The following CARF variants were observed in gnomAD, a reference collection of about 807,000 sequenced individuals.
CARF encodes the protein calcium-responsive transcription factor.
Under a neutral mutation model 82.0 loss-of-function variants are expected in CARF, and 57 were observed. The ratio of observed to expected loss-of-function variants is 0.70; its 90% confidence interval spans 0.56 to 0.87. The LOEUF is 0.87. Among genes scored for constraint, CARF ranks in the 40% least tolerant of loss-of-function variants. The pLI, the probability that CARF is intolerant of heterozygous loss-of-function variation, is 0.00. For missense variants in CARF, 771 were observed against 855.8 expected (o/e 0.90, Z 1.24); for synonymous variants, 268 against 290.1 (o/e 0.92, Z 0.77).
intron 5 of CARF, among the ~76,000 whole-genome samples, chr2:202,951,807 C>A (rs900454851): frequency 6.6e-6 from 1 of 151,664 alleles, no homozygotes; most frequent in African/African-American, 2.4e-5. Flanking sequence ...CAAAATAAAT[C>A]CTATTTAATT....
intron 3 of CARF, among the ~76,000 whole-genome samples, chr2:202,935,257 T>C (rs1266144459): frequency 6.9e-6 from 1 of 144,900 alleles, no homozygotes; most frequent in African/African-American, 2.5e-5. Flanking sequence ...GTATATTATA[T>C]ATTTATATAT....
At chr2:202,935,898 C>T (rs905266908) in intron 3 of CARF, among the ~76,000 whole-genome samples, 9 of 151,946 alleles carry the variant, frequency 5.9e-5, no homozygotes. Context: ...CTTACTGCAG[C>T]CTCAAACTCC....
At chr2:202,938,113 C>G (rs1694246472) in intron 3 of CARF, among the ~76,000 whole-genome samples, 1 of 152,116 alleles carries the variant, frequency 6.6e-6, no homozygotes, top group Admixed American at 6.5e-5. Flanking sequence ...TCCAATTATA[C>G]TCTTTTAATT....
chr2:202,954,303 C>G (rs2105854825), intron 7 of CARF, among the ~76,000 whole-genome samples, 169 bp downstream of exon 7: 1 of 152,264 alleles, frequency 6.6e-6, no homozygotes, highest in East Asian at 1.9e-4. Flanking sequence ...GGCGGCTATT[C>G]TGGAAGCTAT....
At chr2:202,930,470 C>A (rs983190422) in intron 3 of CARF, among the ~76,000 whole-genome samples, 1 of 152,100 alleles carries the variant, frequency 6.6e-6, no homozygotes, top group Non-Finnish European at 1.5e-5. Context: ...TGTCCAAGTT[C>A]AGAAATTCTC....
rs1452193108 is a variant in CARF at position 202,977,255 on chromosome 2, T to A, written c.1495-14T>A. On this transcript the variant is annotated splice_polypyrimidine_tract_variant and intron_variant, in intron 13 of 16. Coordinates refer to ENST00000438828, the MANE Select transcript of CARF (RefSeq NM_024744.17). ...AGAGCTTTATTTTTACTGAAATAAATGTTCCCATTTCAGCTTCAATGGACT... is the reference window on the plus strand; with the variant it reads ...AGAGCTTTATTTTTACTGAAATAAAAGTTCCCATTTCAGCTTCAATGGACT... 6.9e-6 allele frequency: 11 copies of A among 1,585,758 alleles called. No individual in the cohort carries two copies.
intron 8 of CARF, among the ~76,000 whole-genome samples, chr2:202,960,761 C>T (rs900028087): frequency 1.3e-5 from 2 of 151,206 alleles, no homozygotes; most frequent in Non-Finnish European, 3.0e-5. Context: ...TGCCTTCCCT[C>T]CTTCTCTCCT....
At position 202,946,238 on chromosome 2, in the gene CARF, A is replaced by C. The variant is rs549284365; in HGVS notation, c.306+3271A>C. 2.0e-5 allele frequency among the ~76,000 whole-genome samples: 3 copies of C among 152,314 alleles called. No homozygotes were observed. In the South Asian group the frequency reaches 6.2e-4, roughly 32 times the overall value. On this transcript the variant is annotated intron_variant, in intron 5 of 16. Coordinates refer to ENST00000438828, the MANE Select transcript of CARF (RefSeq NM_024744.17). ...AAAGCTAGAGGCATCATGTTACTTG[A>C]CTTCAAACTATACTACAAGGCTACA... is the stretch of plus-strand genomic sequence containing the variant.
intron 13 of CARF, among the ~76,000 whole-genome samples, chr2:202,974,898 C>A (rs1161817138): frequency 1.3e-5 from 2 of 150,760 alleles, no homozygotes; most frequent in African/African-American, 4.9e-5. Flanking sequence ...GACTCCATCT[C>A]AAAAAATATA....
chr2:202,973,451 T>G (rs1347261668), intron 12 of CARF: 1 of 436,478 alleles, frequency 2.3e-6, no homozygotes, highest in Admixed American at 2.7e-5. Context: ...CTTCTATTTC[T>G]ATCTTCTTTT....
rs529290989 is a variant in CARF at position 202,960,751 on chromosome 2, T to C, written c.643-486T>C. 1.2e-3 allele frequency among the ~76,000 whole-genome samples: 173 copies of C among 149,178 alleles called. 1 individual carries two copies. Among genetic ancestry groups the C allele is most frequent in the Admixed American group, 3.6e-3 (53 of 14,922 alleles). On this transcript the variant is annotated intron_variant, in intron 8 of 16. Coordinates refer to ENST00000438828, the MANE Select transcript of CARF (RefSeq NM_024744.17). ...CCACCTTCCCGCCTTCCCGCCTTCC[T>C]GCCTTCCCTCCTTCTCTCCTTCCCT... is the stretch of plus-strand genomic sequence containing the variant.
At chr2:202,931,821 A>G (rs1559199265) in intron 3 of CARF, among the ~76,000 whole-genome samples, 1 of 151,568 alleles carries the variant, frequency 6.6e-6, no homozygotes, top group Non-Finnish European at 1.5e-5. Context: ...GACTTAACCA[A>G]GATGTCAGGT....
intron 1 of CARF, among the ~76,000 whole-genome samples, chr2:202,917,377 T>A (rs1197789727): frequency 6.6e-6 from 1 of 152,154 alleles, no homozygotes; most frequent in Non-Finnish European, 1.5e-5. Flanking sequence ...TTTTCTGAAA[T>A]CCAATCATTA....
At chr2:202,926,429 C>A (rs900693129) in intron 3 of CARF, among the ~76,000 whole-genome samples, 3 of 152,222 alleles carry the variant, frequency 2.0e-5, no homozygotes, top group Admixed American at 1.3e-4. Flanking sequence ...GGGTCAATTT[C>A]TGGATTGTCT....
chr2:202,982,040 A>G (rs1053114351), intron 15 of CARF, 32 bp from the exon 16 acceptor site: 9 of 1,595,714 alleles, frequency 5.6e-6, no homozygotes, highest in Non-Finnish European at 7.7e-6. Flanking sequence ...AGGAAATTCA[A>G]ACATTTTGAT....
chr2:202,940,235 T>A (rs934757508), intron 3 of CARF, among the ~76,000 whole-genome samples: 19 of 152,066 alleles, frequency 1.2e-4, no homozygotes, highest in Admixed American at 3.9e-4. Context: ...GGTTTCACCA[T>A]GTTGGCCAGT....
rs1451594582 is a variant in CARF, at chr2:202,912,707, G to C, written c.-725G>C. On this transcript the variant is annotated 5_prime_UTR_variant, in exon 1 of 17. Transcript: ENST00000438828. ...AGGAGGAGGTTAGGTGTCTTCAGGA[G>C]GGTTGCTGAGCCCAAGGACGCGCCA... 2 of 151,420 alleles carry C rather than the reference G, an allele frequency of 1.3e-5. No homozygotes were observed. The highest frequency in any genetic ancestry group is 4.2e-4 in the South Asian group (2 of 4,774). 9.4% of individuals were successfully genotyped at this position (151,420 alleles called of 1,614,324 possible). A position where few individuals can be genotyped will look rare whatever the true frequency, so the allele number is the denominator to read the frequency against.
At chr2:202,975,921 T>C (rs1035216467) in intron 13 of CARF, among the ~76,000 whole-genome samples, 9 of 151,242 alleles carry the variant, frequency 6.0e-5, no homozygotes, top group Admixed American at 2.0e-4. Context: ...GGCAGGTGCC[T>C]ATAGTCCCAG....
intron 3 of CARF, among the ~76,000 whole-genome samples, chr2:202,934,179 A>C (rs139715346): frequency 6.6e-6 from 1 of 152,038 alleles, no homozygotes; most frequent in East Asian, 1.9e-4. Context: ...AAAGGCTATA[A>C]ATTTCCCTTG....
Sources: gnomAD v4.1 joint callset for allele counts (sites outside exome capture counted in the v4.1 genomes callset) on GRCh38, gnomAD v4.1.1 for gene constraint, MANE v1.5 for transcripts, NCBI Gene and HGNC (gene_info 2026-07-23, HGNC 2026-07-21) for gene names.